IL1RAP: variants seen among roughly 807,000 people sequenced by gnomAD.
IL1RAP encodes interleukin-1 receptor accessory protein.
A neutral mutation model predicts 60.7 loss-of-function variants in IL1RAP; 35 were observed. The ratio of observed to expected loss-of-function variants is 0.58; its 90% confidence interval spans 0.44 to 0.76. The LOEUF (loss-of-function observed/expected upper bound fraction) is 0.76. IL1RAP is among the 30% of genes least tolerant of loss of function. The pLI is 0.00. For synonymous variants in IL1RAP, 268 were observed against 250.9 expected (o/e 1.07, Z -0.64); for missense variants, 572 against 693.9 (o/e 0.82, Z 1.97).
rs915950285 is a variant in IL1RAP, at chr3:190,588,971, T to A, written c.65-15157T>A. Among the ~76,000 whole-genome samples the A allele has an allele frequency of 3.3e-5, 5 of 152,330 alleles. No homozygotes were observed. In the East Asian group the frequency reaches 9.6e-4, roughly 29 times the overall value. Reference sequence around the variant, plus strand: ...AGAAGTAATGTTCATGATATGGTTATCAGAGAGACTTTTATCCTGCCTCTG... The same window carrying A: ...AGAAGTAATGTTCATGATATGGTTAACAGAGAGACTTTTATCCTGCCTCTG... On this transcript the variant is annotated intron_variant, in intron 3 of 11. Transcript: ENST00000447382.
Position 190,649,188 on chromosome 3 carries a change from T to G in IL1RAP, c.*483T>G. On this transcript the variant is annotated 3_prime_UTR_variant, in exon 12 of 12. Coordinates refer to ENST00000447382, the MANE Select transcript of IL1RAP (RefSeq NM_002182.4). ...TTTTAGCTGAGGATAATGAACTTTT[T>G]TCCTCATTCGGCTGTATAATACATA... is the stretch of plus-strand genomic sequence containing the variant. The G allele has an allele frequency of 7.1e-6, 7 of 987,254 alleles. No individual in the cohort carries two copies. The highest frequency in any genetic ancestry group is 8.4e-6 in the Non-Finnish European group (7 of 831,198). The allele number at this position is 987,254 out of a possible 1,614,324, so 61.2% of individuals were successfully genotyped here. A position where few individuals can be genotyped will look rare whatever the true frequency, so the allele number is the denominator to read the frequency against.
At chr3:190,621,859 A>C (rs1280064078) in intron 6 of IL1RAP, among the ~76,000 whole-genome samples, 2 of 152,200 alleles carry the variant, frequency 1.3e-5, no homozygotes, top group African/African-American at 4.8e-5. Context: ...CAGGATTAGA[A>C]CTTGGTTATT....
In IL1RAP at chr3:190,629,393, T is replaced by C; in HGVS notation, c.946T>C (p.Leu316=). The C allele has an allele frequency of 6.2e-7, 1 of 1,613,426 alleles. No homozygotes were observed. The highest frequency in any genetic ancestry group is 8.5e-7 in the Non-Finnish European group (1 of 1,179,754). ...RTEDETRTQI[L]SIKKVTSEDL... is the part of the protein sequence containing the mutation. ...AGAAGATGAAACAAGAACTCAGATT[T>C]TGAGCATCAAGAAAGTTACCTCTGA... Residue 316 remains leucine, a synonymous_variant, in exon 9 of 12, where the codon TTG becomes CTG. Coordinates refer to ENST00000447382, the MANE Select transcript of IL1RAP (RefSeq NM_002182.4).
intron 9 of IL1RAP, among the ~76,000 whole-genome samples, chr3:190,637,045 C>G (rs893727217): frequency 2.0e-5 from 3 of 152,148 alleles, no homozygotes; most frequent in African/African-American, 4.8e-5. Context: ...TTATGAGAAA[C>G]TTACTATGGC....
At chr3:190,619,202 T>C (rs1731543463) in intron 5 of IL1RAP, among the ~76,000 whole-genome samples, 1 of 152,206 alleles carries the variant, frequency 6.6e-6, no homozygotes. Flanking sequence ...TTGATTTTTT[T>C]TCTCAAAAAC....
intron 3 of IL1RAP, among the ~76,000 whole-genome samples, chr3:190,595,828 C>T (rs1324811329): frequency 6.6e-6 from 1 of 152,138 alleles, no homozygotes; most frequent in Non-Finnish European, 1.5e-5. Context: ...TATTATTATG[C>T]TTCTGTTTAG....
intron 7 of IL1RAP, 66 bp from the exon 8 acceptor site, chr3:190,627,252 GTTTTT>G (rs1732370923): frequency 1.6e-6 from 2 of 1,216,904 alleles, no homozygotes; most frequent in Non-Finnish European, 2.2e-6. Flanking sequence ...CTTTGTCTTT[GTTTTT>G]TGTTTTGTTT....
At chr3:190,656,671 G>A (rs1734631233) in exon 12 of IL1RAP, 2 of 946,066 alleles carry the variant, frequency 2.1e-6, no homozygotes, top group Non-Finnish European at 3.0e-6. Flanking sequence ...TGAACCTGTG[G>A]GAAAATCTGA....
At chr3:190,596,407 C>G (rs554506697) in intron 3 of IL1RAP, among the ~76,000 whole-genome samples, 1 of 151,990 alleles carries the variant, frequency 6.6e-6, no homozygotes, top group African/African-American at 2.4e-5. Context: ...ATCTCTCTGT[C>G]TCCGTTTCCT....
intron 9 of IL1RAP, among the ~76,000 whole-genome samples, chr3:190,640,085 A>G (rs887750721): frequency 2.0e-4 from 30 of 152,208 alleles, no homozygotes; most frequent in African/African-American, 6.0e-4. Flanking sequence ...CCATCTCTAA[A>G]TAGTTCTCTT....
intron 3 of IL1RAP, among the ~76,000 whole-genome samples, chr3:190,591,256 G>T (rs1728914269): frequency 6.6e-6 from 1 of 152,210 alleles, no homozygotes; most frequent in East Asian, 1.9e-4. Flanking sequence ...CTTCAAACCA[G>T]TTTTTGTTTA....
intron 9 of IL1RAP, among the ~76,000 whole-genome samples, chr3:190,630,621 A>G (rs543967957): frequency 7.9e-5 from 12 of 152,374 alleles, no homozygotes; most frequent in African/African-American, 2.4e-4. Flanking sequence ...ATGAAGTACT[A>G]GTGAATCAGT....
At chr3:190,659,022 G>A (rs1734700917) in exon 12 of IL1RAP, 1 of 152,138 alleles carries the variant, frequency 6.6e-6, no homozygotes, top group East Asian at 1.9e-4. Flanking sequence ...AAGACAGATA[G>A]CAGTTTCTCT....
exon 12 of IL1RAP, chr3:190,659,121 T>C (rs1560253777): frequency 6.6e-6 from 1 of 152,218 alleles, no homozygotes; most frequent in African/African-American, 2.4e-5. Flanking sequence ...TTATGCCTTA[T>C]TAACACAGCA....
Position 190,604,557 on chromosome 3 carries a change from A to C in IL1RAP, c.350+144A>C, listed in dbSNP as rs943438248. 74 of 836,902 alleles carry C rather than the reference A, an allele frequency of 8.8e-5. No individual in the cohort carries two copies. In the African/African-American group the frequency reaches 1.3e-3, roughly 14 times the overall value. 51.8% of individuals were successfully genotyped at this position (836,902 alleles called of 1,614,324 possible). On this transcript the variant is annotated intron_variant, in intron 4 of 11. Transcript: ENST00000447382. ...AGGTAATTGTCTGCAGCTTAGCTGA[A>C]GGGGTCTGAAGGAGGTATGCAGAGA...
chr3:190,555,717 A>T (rs903334976), intron 1 of IL1RAP: 66 of 152,212 alleles, frequency 4.3e-4, no homozygotes, highest in African/African-American at 1.6e-3. Context: ...AAAAATTGCA[A>T]GCTTCATGAG....
chr3:190,623,892 T>A (rs1731998623), intron 7 of IL1RAP, among the ~76,000 whole-genome samples: 2 of 152,252 alleles, frequency 1.3e-5, no homozygotes, highest in South Asian at 4.1e-4. Flanking sequence ...TCGGTTCTTC[T>A]TTTAGTTTCC....
At chr3:190,636,038 T>A (rs895585930) in intron 9 of IL1RAP, among the ~76,000 whole-genome samples, 4 of 152,216 alleles carry the variant, frequency 2.6e-5, no homozygotes, top group Admixed American at 2.0e-4. Context: ...TAATTTCTAA[T>A]CTTTTATTTA....
At chr3:190,573,516 C>T (rs1727183221) in intron 3 of IL1RAP, among the ~76,000 whole-genome samples, 2 of 152,100 alleles carry the variant, frequency 1.3e-5, no homozygotes, top group Non-Finnish European at 2.9e-5. Context: ...CTTTCTCCCT[C>T]CCGCTGCATG....
Sources: gnomAD v4.1 joint callset for allele counts (sites outside exome capture counted in the v4.1 genomes callset) on GRCh38, gnomAD v4.1.1 for gene constraint, MANE v1.5 for transcripts, NCBI Gene and HGNC (gene_info 2026-07-23, HGNC 2026-07-21) for gene names.